Variants in ROR1 observed in about 807,000 individuals in gnomAD.
The protein encoded by ROR1 is inactive tyrosine-protein kinase transmembrane receptor ROR1.
Under a neutral mutation model 78.8 loss-of-function variants are expected in ROR1, and 19 were observed. That is an observed-to-expected ratio of 0.24 (90% CI 0.17 to 0.35). The LOEUF (loss-of-function observed/expected upper bound fraction) is 0.35. Ranked by LOEUF, ROR1 falls within the 10% of genes least tolerant of loss-of-function variation. The pLI, the probability that ROR1 is intolerant of heterozygous loss-of-function variation, is 1.00. For synonymous variants in ROR1, 386 were observed against 433.6 expected, an observed-to-expected ratio of 0.89 and a Z score of 1.36; for missense variants, 917 against 1,177.8, an observed-to-expected ratio of 0.78 and a Z score of 3.24.
intron 7 of ROR1, among the ~76,000 whole-genome samples, chr1:64,149,944 T>C (rs1569856396): frequency 1.3e-5 from 2 of 152,212 alleles, no homozygotes; most frequent in East Asian, 3.9e-4. Context: ...ACTTTGGTTG[T>C]ATTTTATTAA....
At chr1:63,937,060 A>G (rs1412335805) in intron 1 of ROR1, among the ~76,000 whole-genome samples, 4 of 152,180 alleles carry the variant, frequency 2.6e-5, no homozygotes, top group African/African-American at 9.7e-5. Context: ...TGGTTGAGAA[A>G]CATATCAATT....
At chr1:64,089,757 CAG>C (rs1237543609) in intron 4 of ROR1, among the ~76,000 whole-genome samples, 1 of 152,146 alleles carries the variant, frequency 6.6e-6, no homozygotes, top group Non-Finnish European at 1.5e-5. Context: ...CACAGTGGAA[CAG>C]GGGAAATGTA....
At chr1:64,101,782 T>A (rs1259344040) in intron 4 of ROR1, among the ~76,000 whole-genome samples, 2 of 152,106 alleles carry the variant, frequency 1.3e-5, no homozygotes, top group African/African-American at 4.8e-5. Context: ...TTGAATGAAG[T>A]GAGAGAGTGA....
At position 63,819,292 on chromosome 1, in the gene ROR1, C is replaced by G. The variant is rs544067082; in HGVS notation, c.91+44784C>G. 2.6e-5 allele frequency among the ~76,000 whole-genome samples: 4 copies of G among 152,276 alleles called. No homozygotes were observed. The East Asian group carries it at 7.7e-4, about 29-fold the overall frequency. On this transcript the variant is annotated intron_variant, in intron 1 of 8. Coordinates refer to ENST00000371079, the MANE Select transcript of ROR1 (RefSeq NM_005012.4). ...CATCTATGGCCTCCTTAGACCTATA[C>G]AAGTGACATCTTTTCTTCCTGGGGA...
chr1:63,977,333 CATTTTGACTGT>C (rs1646170301), intron 1 of ROR1, among the ~76,000 whole-genome samples: 1 of 152,130 alleles, frequency 6.6e-6, no homozygotes, highest in African/African-American at 2.4e-5. Context: ...ATTTTGACTG[CATTTTGACTGT>C]GACCTATCAC....
chr1:64,020,109 G>C (rs1403872489), intron 2 of ROR1, among the ~76,000 whole-genome samples: 1 of 152,194 alleles, frequency 6.6e-6, no homozygotes, highest in Non-Finnish European at 1.5e-5. Context: ...CCACCAGAAA[G>C]AGTGTGGCTC....
At chr1:64,048,828 C>G (rs893357151) in intron 2 of ROR1, among the ~76,000 whole-genome samples, 4 of 151,916 alleles carry the variant, frequency 2.6e-5, no homozygotes, top group Admixed American at 6.6e-5. Context: ...CAAAATTAAC[C>G]TATGGTAATA....
intron 1 of ROR1, among the ~76,000 whole-genome samples, chr1:64,005,056 A>C (rs772432484): frequency 6.6e-6 from 1 of 152,246 alleles, no homozygotes; most frequent in Non-Finnish European, 1.5e-5. Flanking sequence ...AAAACCTCAC[A>C]AAATGAAAAG....
intron 4 of ROR1, among the ~76,000 whole-genome samples, chr1:64,081,332 G>A (rs754688839): frequency 9.2e-5 from 14 of 152,064 alleles, no homozygotes; most frequent in Admixed American, 1.3e-4. Flanking sequence ...TATGTACAAA[G>A]TTACTTATTG....
intron 4 of ROR1, among the ~76,000 whole-genome samples, chr1:64,136,938 C>T (rs1482712194): frequency 1.3e-5 from 2 of 152,082 alleles, no homozygotes; most frequent in Non-Finnish European, 2.9e-5. Flanking sequence ...CATGGATCCC[C>T]CTAATTGACG....
intron 4 of ROR1, among the ~76,000 whole-genome samples, chr1:64,070,148 AT>A (rs1284571340): frequency 4.6e-5 from 7 of 152,304 alleles, no homozygotes; most frequent in African/African-American, 1.7e-4. Context: ...CATACACAGT[AT>A]GTGGCCTTTT....
intron 2 of ROR1, among the ~76,000 whole-genome samples, chr1:64,024,583 A>G (rs1023483834): frequency 6.6e-6 from 1 of 152,222 alleles, no homozygotes; most frequent in African/African-American, 2.4e-5. Context: ...TTGAAAAGTT[A>G]GAATTATTCT....
chr1:64,171,065 G>C (rs1650226109), intron 8 of ROR1: 1 of 166,790 alleles, frequency 6.0e-6, no homozygotes, highest in South Asian at 1.8e-4. Flanking sequence ...CTGTTACCCA[G>C]TTCCAAAGTC....
chr1:63,980,380 T>G (rs889601444), intron 1 of ROR1, among the ~76,000 whole-genome samples: 2 of 152,182 alleles, frequency 1.3e-5, no homozygotes, highest in Admixed American at 6.6e-5. Context: ...CATTGAGATA[T>G]TTGATCCACA....
chr1:63,876,648 G>A (rs1308484605), intron 1 of ROR1, among the ~76,000 whole-genome samples: 2 of 104,980 alleles, frequency 1.9e-5, no homozygotes, highest in African/African-American at 6.8e-5. Flanking sequence ...CGAAAGGGGT[G>A]TGTGTGTGTG....
chr1:63,873,242 G>A (rs1024252390), intron 1 of ROR1, among the ~76,000 whole-genome samples: 1 of 152,120 alleles, frequency 6.6e-6, no homozygotes, highest in East Asian at 1.9e-4. Context: ...TTGATTCAGG[G>A]CTGAGTGCCT....
At chr1:63,987,401 A>G (rs1350770228) in intron 1 of ROR1, among the ~76,000 whole-genome samples, 1 of 152,184 alleles carries the variant, frequency 6.6e-6, no homozygotes. Flanking sequence ...CTGCCTGCCA[A>G]CTTAACGCAC....
intron 1 of ROR1, among the ~76,000 whole-genome samples, chr1:63,928,708 C>G (rs996406101): frequency 1.3e-5 from 2 of 152,178 alleles, no homozygotes; most frequent in African/African-American, 4.8e-5. Context: ...ACTAGCTTCC[C>G]TGTTCTCATC....
At position 63,890,433 on chromosome 1, in the gene ROR1, A is replaced by G. The variant is rs557260314; in HGVS notation, c.91+115925A>G. On this transcript the variant is annotated intron_variant, in intron 1 of 8. Transcript: ENST00000371079. Reference sequence around the variant, plus strand: ...ACATGTAATAGGTATAAAATTCCATACTAGATATGAGGGGAAAAAAGATGA... The same window carrying G: ...ACATGTAATAGGTATAAAATTCCATGCTAGATATGAGGGGAAAAAAGATGA... 2.2e-4 allele frequency among the ~76,000 whole-genome samples: 33 copies of G among 150,408 alleles called. No homozygotes were observed. The South Asian group carries it at 6.7e-3, about 31-fold the overall frequency.
Sources: gnomAD v4.1 joint callset for allele counts (sites outside exome capture counted in the v4.1 genomes callset) on GRCh38, gnomAD v4.1.1 for gene constraint, MANE v1.5 for transcripts, NCBI Gene and HGNC (gene_info 2026-07-23, HGNC 2026-07-21) for gene names.